The following SHQ1 variants were observed in gnomAD, a reference collection of about 807,000 sequenced individuals.
SHQ1 encodes protein SHQ1 homolog.
Under a neutral mutation model 53.8 loss-of-function variants are expected in SHQ1, and 49 were observed. That is an observed-to-expected ratio of 0.91 (90% confidence interval 0.72 to 1.16). The LOEUF is 1.16. SHQ1 is among the 50% of genes most tolerant of loss of function. SHQ1 has a pLI of 0.00. For missense variants in SHQ1, 738 were observed against 683.1 expected, an observed-to-expected ratio of 1.08 and a Z score of -0.90; for synonymous variants, 243 against 251.0, an observed-to-expected ratio of 0.97 and a Z score of 0.30.
intron 9 of SHQ1, among the ~76,000 whole-genome samples, chr3:72,807,652 C>CTT (rs1706991778): frequency 1.3e-5 from 2 of 152,228 alleles, no homozygotes; most frequent in South Asian, 4.1e-4. Context: ...AGAAATTCAC[C>CTT]TTTAAAGTCT....
rs138835061 is a variant in SHQ1 at position 72,811,350 on chromosome 3, C to T, written c.1060+1321G>A. Among the ~76,000 whole-genome samples the T allele has an allele frequency of 2.3e-3, 348 of 152,226 alleles. 3 individuals are homozygous for T. Among genetic ancestry groups the T allele is most frequent in the African/African-American group, 8.2e-3 (341 of 41,516 alleles). ...GACTTAAAAAAGAAATGAATTGTGA[C>T]GTGTAACTGAGGCTCACACAGTCAT... On this transcript the variant is annotated intron_variant, in intron 9 of 10. Coordinates refer to ENST00000325599, the MANE Select transcript of SHQ1 (RefSeq NM_018130.3).
chr3:72,734,989 G>C, the SHQ1 span, among the ~76,000 whole-genome samples: 1 of 151,586 alleles, frequency 6.6e-6, no homozygotes, highest in Non-Finnish European at 1.5e-5. Flanking sequence ...ATTTCTCAGT[G>C]GGGTTCCTGC....
At chr3:72,804,844 G>A (rs1435696202) in intron 9 of SHQ1, among the ~76,000 whole-genome samples, 1 of 152,186 alleles carries the variant, frequency 6.6e-6, no homozygotes, top group South Asian at 2.1e-4. Flanking sequence ...GTGACAGAGT[G>A]AGACCTTGTC....
At chr3:72,779,736 G>A (rs763864965) in intron 10 of SHQ1, among the ~76,000 whole-genome samples, 1 of 152,158 alleles carries the variant, frequency 6.6e-6, no homozygotes, top group Non-Finnish European at 1.5e-5. Context: ...GATAGAAAAC[G>A]AAGTCAGTAT....
chr3:72,840,913 T>A (rs1164940542), intron 4 of SHQ1, 132 bp downstream of exon 4: 1 of 1,038,112 alleles, frequency 9.6e-7, no homozygotes, highest in Admixed American at 2.6e-5. Flanking sequence ...ACTTTAGCTG[T>A]GCTAAGTGCT....
chr3:72,812,314 T>C (rs928024632), intron 9 of SHQ1, among the ~76,000 whole-genome samples: 32 of 152,226 alleles, frequency 2.1e-4, no homozygotes, highest in Non-Finnish European at 4.4e-4. Context: ...GCAGGGAACT[T>C]TTCTGCCTTC....
chr3:72,803,636 A>G (rs1193048280), intron 9 of SHQ1, among the ~76,000 whole-genome samples: 1 of 152,182 alleles, frequency 6.6e-6, no homozygotes, highest in Non-Finnish European at 1.5e-5. Flanking sequence ...TTTTCTCTGT[A>G]AAGAGATAGA....
chr3:72,803,499 A>C (rs1706853065), intron 9 of SHQ1, among the ~76,000 whole-genome samples: 1 of 152,194 alleles, frequency 6.6e-6, no homozygotes, highest in Non-Finnish European at 1.5e-5. Flanking sequence ...AGGCGAGAGA[A>C]AATAGCTGAA....
chr3:72,844,707 C>G (rs1013155430), intron 1 of SHQ1, among the ~76,000 whole-genome samples: 3 of 152,110 alleles, frequency 2.0e-5, no homozygotes, highest in Non-Finnish European at 4.4e-5. Context: ...ATTGTTATAA[C>G]ACAAGTTGAG....
chr3:72,765,138 G>A (rs1192207778), intron 10 of SHQ1, among the ~76,000 whole-genome samples: 1 of 152,182 alleles, frequency 6.6e-6, no homozygotes, highest in African/African-American at 2.4e-5. Context: ...CTGGTCCTGA[G>A]GCCCAGACTC....
At chr3:72,743,103 CT>C in the SHQ1 span, among the ~76,000 whole-genome samples, 1,338 of 152,288 alleles carry the variant, frequency 8.8e-3, 10 homozygotes, top group Middle Eastern at 0.024. Context: ...AGTCGGCAGC[CT>C]TATGTCAGCA....
chr3:72,813,760 CAA>C (rs757465696), intron 8 of SHQ1, among the ~76,000 whole-genome samples: 10 of 40,518 alleles, frequency 2.5e-4, no homozygotes, highest in African/African-American at 8.2e-4. Flanking sequence ...GACACCATCT[CAA>C]AAAAAAAAAA....
Position 72,789,604 on chromosome 3 carries a change from AC to A in SHQ1, c.1181+3311del, listed in dbSNP as rs201213267. ...ATATTTTTAAAGTGCTACATTTAAAACAAAAATGAAAAACGTTCCTTTAATC... is the reference window on the plus strand; with the variant it reads ...ATATTTTTAAAGTGCTACATTTAAAAAAAAATGAAAAACGTTCCTTTAATC... On this transcript the variant is annotated intron_variant, in intron 10 of 10. Coordinates refer to ENST00000325599, the MANE Select transcript of SHQ1 (RefSeq NM_018130.3). 5.9e-5 allele frequency among the ~76,000 whole-genome samples: 9 copies of A among 152,268 alleles called. No homozygotes were observed. The South Asian group carries it at 1.7e-3, about 28-fold the overall frequency.
At chr3:72,771,539 GT>G (rs1420718237) in intron 10 of SHQ1, among the ~76,000 whole-genome samples, 5 of 152,196 alleles carry the variant, frequency 3.3e-5, no homozygotes, top group African/African-American at 9.6e-5. Flanking sequence ...GACTGACAAA[GT>G]AATATTCACA....
At chr3:72,845,027 C>G (rs1053370391) in intron 1 of SHQ1, among the ~76,000 whole-genome samples, 2 of 151,980 alleles carry the variant, frequency 1.3e-5, no homozygotes, top group African/African-American at 4.8e-5. Flanking sequence ...ATAAGGGACA[C>G]TCAATCTGTA....
the SHQ1 span, among the ~76,000 whole-genome samples, chr3:72,741,679 C>T: frequency 1.3e-5 from 2 of 151,956 alleles, no homozygotes; most frequent in Non-Finnish European, 1.5e-5. Flanking sequence ...TTCATGCAGT[C>T]GCTCAACAAA....
chr3:72,731,560 C>T, the SHQ1 span, among the ~76,000 whole-genome samples: 34 of 150,458 alleles, frequency 2.3e-4, no homozygotes, highest in Non-Finnish European at 4.0e-4. Context: ...TGGTGGCAGG[C>T]ACCTGTAATC....
intron 10 of SHQ1, among the ~76,000 whole-genome samples, chr3:72,764,393 C>A (rs1333690073): frequency 6.6e-6 from 1 of 152,130 alleles, no homozygotes; most frequent in Non-Finnish European, 1.5e-5. Flanking sequence ...AACATGGGAT[C>A]TGAAAGCCAG....
chr3:72,765,380 C>A (rs966212578), intron 10 of SHQ1, among the ~76,000 whole-genome samples: 1 of 151,462 alleles, frequency 6.6e-6, no homozygotes, highest in Non-Finnish European at 1.5e-5. Flanking sequence ...AGCTCTACCT[C>A]CAGACTGCAC....
Sources: allele counts gnomAD v4.1 joint callset (sites outside exome capture counted in the v4.1 genomes callset), GRCh38; gene constraint gnomAD v4.1.1; transcripts MANE v1.5; gene names NCBI Gene and HGNC (gene_info 2026-07-23, HGNC 2026-07-21).